The following RANBP17 variants were observed in gnomAD, a reference collection of about 807,000 sequenced individuals.
RANBP17 encodes RAN binding protein 17, also known as ran-binding protein 17.
RANBP17 carries 158 observed loss-of-function variants against 141.2 expected under a neutral mutation model. The ratio of observed to expected loss-of-function variants is 1.12; its 90% CI spans 0.98 to 1.28. The LOEUF (loss-of-function observed/expected upper bound fraction) is 1.28, where lower values mean the gene tolerates loss of function less well. Among genes scored for constraint, RANBP17 ranks in the 50% most tolerant of loss-of-function variants. RANBP17 has a pLI of 0.00. For synonymous variants in RANBP17, 430 were observed against 450.0 expected (o/e 0.96, Z 0.56); for missense variants, 1,438 against 1,290.7 (o/e 1.11, Z -1.75).
chr5:171,036,898 A>G (rs557181402), intron 14 of RANBP17, among the ~76,000 whole-genome samples: 3 of 152,220 alleles, frequency 2.0e-5, no homozygotes, highest in Admixed American at 6.5e-5. Flanking sequence ...TGCAGTGAAC[A>G]TATGAGTACA....
At chr5:170,881,643 T>C (rs914486521) in intron 2 of RANBP17, among the ~76,000 whole-genome samples, 163 bp from the exon 3 acceptor site, 4 of 152,368 alleles carry the variant, frequency 2.6e-5, no homozygotes, top group African/African-American at 9.6e-5. Flanking sequence ...ATGTGTATCC[T>C]TTTCTGTATG....
intron 14 of RANBP17, among the ~76,000 whole-genome samples, chr5:171,013,750 G>A (rs1315704933): frequency 2.0e-5 from 3 of 151,910 alleles, no homozygotes; most frequent in East Asian, 3.9e-4. Context: ...TTAGTTTTGT[G>A]CCTCTCCATG....
At chr5:171,255,236 T>G (rs756142146) in intron 24 of RANBP17, among the ~76,000 whole-genome samples, 40 of 152,148 alleles carry the variant, frequency 2.6e-4, no homozygotes, top group Non-Finnish European at 4.7e-4. Flanking sequence ...CTTTGTATTT[T>G]GAGGGCTTAA....
At position 171,277,641 on chromosome 5, in the gene RANBP17, A is replaced by G. The variant is rs114086666; in HGVS notation, c.2943+11794A>G. ...CTTACGTATACATATATGTATGTAT[A>G]TATATATATATATATATATATATAT... On this transcript the variant is annotated intron_variant, in intron 25 of 27. Coordinates refer to ENST00000523189, the MANE Select transcript of RANBP17 (RefSeq NM_022897.5). Among the ~76,000 whole-genome samples, 485 of 82,420 alleles carry G rather than the reference A, an allele frequency of 5.9e-3. 23 individuals carry two copies. The highest frequency in any genetic ancestry group is 0.045 in the South Asian group (131 of 2,888). The allele number at this position is 82,420 out of a possible 152,430, so 54.1% of individuals were successfully genotyped here. A position where few individuals can be genotyped will look rare whatever the true frequency, so the allele number is the denominator to read the frequency against.
intron 25 of RANBP17, among the ~76,000 whole-genome samples, chr5:171,267,186 A>T (rs985620149): frequency 2.7e-5 from 4 of 148,778 alleles, no homozygotes; most frequent in Non-Finnish European, 5.9e-5. Flanking sequence ...GGTGCACACC[A>T]CCACATCCAG....
At chr5:170,902,788 A>T (rs1320102156) in intron 5 of RANBP17, among the ~76,000 whole-genome samples, 1 of 152,192 alleles carries the variant, frequency 6.6e-6, no homozygotes, top group African/African-American at 2.4e-5. Context: ...CCTCTGCTGC[A>T]GGTCTGCTGG....
chr5:170,942,882 AATGTAATAATTTAG>A (rs1774439670), intron 12 of RANBP17, among the ~76,000 whole-genome samples: 1 of 152,214 alleles, frequency 6.6e-6, no homozygotes, highest in Admixed American at 6.5e-5. Flanking sequence ...AGTTAGTTGA[AATGTAATAATTTAG>A]TGGTATTACA....
chr5:171,066,565 A>G (rs889783440), intron 14 of RANBP17, among the ~76,000 whole-genome samples: 4 of 152,074 alleles, frequency 2.6e-5, no homozygotes, highest in Non-Finnish European at 5.9e-5. Flanking sequence ...TTATCCATTC[A>G]TCTGTTGTTG....
intron 14 of RANBP17, among the ~76,000 whole-genome samples, chr5:171,008,152 G>A (rs1219868388): frequency 6.6e-6 from 1 of 152,204 alleles, no homozygotes; most frequent in South Asian, 2.1e-4. Flanking sequence ...CCGGAGTTTT[G>A]GGTACACAGA....
chr5:170,996,938 G>C (rs1442088678), intron 14 of RANBP17, among the ~76,000 whole-genome samples: 1 of 152,094 alleles, frequency 6.6e-6, no homozygotes, highest in Non-Finnish European at 1.5e-5. Context: ...AAACACATAA[G>C]AATCCTGAAT....
At chr5:171,284,245 G>A (rs562232012) in intron 25 of RANBP17, among the ~76,000 whole-genome samples, 12 of 152,278 alleles carry the variant, frequency 7.9e-5, no homozygotes, top group Non-Finnish European at 1.2e-4. Flanking sequence ...AGCATTTCTG[G>A]AACAGTCTGG....
At chr5:171,263,769 G>A (rs950388897) in intron 24 of RANBP17, among the ~76,000 whole-genome samples, 5 of 152,138 alleles carry the variant, frequency 3.3e-5, no homozygotes, top group Non-Finnish European at 7.4e-5. Flanking sequence ...TGTGATTCAA[G>A]AAGGTGTTTT....
intron 14 of RANBP17, among the ~76,000 whole-genome samples, chr5:171,104,682 G>C (rs900347584): frequency 6.6e-6 from 1 of 151,988 alleles, no homozygotes; most frequent in Admixed American, 6.6e-5. Context: ...TTTTTCTTTA[G>C]GCAAATTTCT....
chr5:170,906,999 CATTT>C (rs1771122032), intron 5 of RANBP17, among the ~76,000 whole-genome samples: 1 of 151,882 alleles, frequency 6.6e-6, no homozygotes, highest in African/African-American at 2.4e-5. Context: ...TTTCAACTAG[CATTT>C]ATTAAGCATT....
chr5:171,200,988 C>G (rs915873529), intron 19 of RANBP17, among the ~76,000 whole-genome samples: 4 of 152,184 alleles, frequency 2.6e-5, no homozygotes, highest in Admixed American at 6.5e-5. Flanking sequence ...TTTTCAGTGA[C>G]CAACAAAATC....
At chr5:170,898,096 G>A (rs998177717) in intron 5 of RANBP17, among the ~76,000 whole-genome samples, 12 of 152,044 alleles carry the variant, frequency 7.9e-5, no homozygotes, top group East Asian at 1.9e-4. Context: ...TTTAATGATC[G>A]CAATTCTAGC....
chr5:170,952,814 G>A (rs1252028340), intron 12 of RANBP17, among the ~76,000 whole-genome samples: 1 of 151,950 alleles, frequency 6.6e-6, no homozygotes, highest in Non-Finnish European at 1.5e-5. Flanking sequence ...GGTCTCAAAA[G>A]TACTGAAGGA....
intron 7 of RANBP17, among the ~76,000 whole-genome samples, chr5:170,912,267 A>G (rs891091426): frequency 2.6e-5 from 4 of 151,976 alleles, no homozygotes; most frequent in Non-Finnish European, 4.4e-5. Context: ...GAGTACATGT[A>G]AAACTGGGAA....
At position 171,155,780 on chromosome 5, in the gene RANBP17, GTT is replaced by G. The variant is rs1742062594; in HGVS notation, c.1711-14349_1711-14348del. The stretch of plus-strand genomic sequence containing the variant: ...TTTGTGCTTTGAACATTGAAGCATT[GTT>G]CATCATGCATAATTAACAAAGTTGA... On this transcript the variant is annotated intron_variant, in intron 14 of 27. Transcript: ENST00000523189. Among the ~76,000 whole-genome samples the G allele has an allele frequency of 5.9e-5, 9 of 152,226 alleles. No individual in the cohort carries two copies. In the South Asian group the frequency reaches 1.9e-3, roughly 32 times the overall value.
Sources: allele counts gnomAD v4.1 joint callset (sites outside exome capture counted in the v4.1 genomes callset), GRCh38; gene constraint gnomAD v4.1.1; transcripts MANE v1.5; gene names NCBI Gene and HGNC (gene_info 2026-07-23, HGNC 2026-07-21).